Variants in FSIP2 observed in about 807,000 individuals in gnomAD.
FSIP2 encodes the protein fibrous sheath interacting protein 2.
FSIP2 carries 367 observed loss-of-function variants against 510.5 expected under a neutral mutation model. The observed-to-expected ratio is 0.72, with a 90% CI of 0.66 to 0.78. The LOEUF (loss-of-function observed/expected upper bound fraction) is 0.78. Among genes scored for constraint, FSIP2 ranks in the 30% least tolerant of loss-of-function variants. The probability of loss-of-function intolerance (pLI) is 0.00; values close to 1 mark genes in which losing one functional copy is unlikely to be tolerated. For synonymous variants in FSIP2, 2,601 were observed against 2,732.2 expected, an observed-to-expected ratio of 0.95 and a Z score of 1.50; for missense variants, 7,594 against 7,901.7, an observed-to-expected ratio of 0.96 and a Z score of 1.48.
chr2:185,807,426 G>T lies in FSIP2; in HGVS notation c.18120G>T (p.Leu6040Phe). The change falls in exon 17 of 23, where the codon TTG becomes TTT. Residue 6040 changes from leucine (L) to phenylalanine (F), a missense_variant. Leu to Phe is a conservative substitution (Grantham distance 22). Transcript: ENST00000424728. ...AAACAAAAGAACCTGAGGACAATTT[G>T]TCCACAGAACTGAATTTCCTTCAAA... Reference protein sequence around the residue: ...STKTKEPEDNLSTELNFLQMK... With the variant: ...STKTKEPEDNFSTELNFLQMK... The T allele has an allele frequency of 6.2e-7, 1 of 1,610,892 alleles. No homozygotes were observed.
Position 185,801,331 on chromosome 2 carries a change from T to A in FSIP2, c.12025T>A (p.Leu4009Ile). 1 of 1,533,964 alleles carries A rather than the reference T, an allele frequency of 6.5e-7. No homozygotes were observed. Among genetic ancestry groups the A allele is most frequent in the South Asian group, 1.2e-5 (1 of 83,994 alleles). Residue 4009 changes from leucine (L) to isoleucine (I), a missense_variant, in exon 17 of 23, where the codon TTA (leucine) becomes ATA (isoleucine). By Grantham distance (5) the Leu-to-Ile change is conservative. Coordinates refer to ENST00000424728, the MANE Select transcript of FSIP2 (RefSeq NM_173651.4). ...TVSWLNEMNT[L>I]FVNNVVNEFN... The stretch of plus-strand genomic sequence containing the variant: ...GTCCTGGCTCAATGAGATGAATACA[T>A]TATTTGTCAACAATGTAGTGAATGA...
At chr2:185,749,958 A>G (rs959838323) in intron 7 of FSIP2, among the ~76,000 whole-genome samples, 1 of 151,834 alleles carries the variant, frequency 6.6e-6, no homozygotes, top group Non-Finnish European at 1.5e-5. Context: ...TGCTTAGTAG[A>G]TAACATAAAT....
intron 13 of FSIP2, among the ~76,000 whole-genome samples, chr2:185,779,657 A>C (rs1692800700): frequency 6.6e-6 from 1 of 152,080 alleles, no homozygotes; most frequent in African/African-American, 2.4e-5. Flanking sequence ...AGGTTTTATC[A>C]GTCAAATTGC....
chr2:185,776,160 ACTTGGAAAG>A (rs1265758606), intron 13 of FSIP2, among the ~76,000 whole-genome samples: 2 of 152,142 alleles, frequency 1.3e-5, no homozygotes, highest in African/African-American at 4.8e-5. Context: ...GGTCCCAGCT[ACTTGGAAAG>A]CTGAGGTGGG....
Position 185,795,694 on chromosome 2 carries a change from A to G in FSIP2, c.8558A>G (p.Asn2853Ser). Reference protein sequence around the residue: ...KWQTESNDKENEKCKLLMIAE... With the variant: ...KWQTESNDKESEKCKLLMIAE... The stretch of plus-strand genomic sequence containing the variant: ...CAAACAGAATCAAATGACAAGGAAA[A>G]TGAAAAATGTAAGCTATTGATGATA... Residue 2853 changes from asparagine (N) to serine (S), a missense_variant, in exon 16 of 23, where the codon AAT becomes AGT. Transcript: ENST00000424728. 6.5e-7 allele frequency: 1 copy of G among 1,532,536 alleles called. No homozygotes were observed. The highest frequency in any genetic ancestry group is 8.7e-7 in the Non-Finnish European group (1 of 1,144,852). 94.9% of individuals were successfully genotyped at this position (1,532,536 alleles called of 1,614,324 possible).
chr2:185,813,522 A>G (rs1693775947), intron 17 of FSIP2, 23 bp from the exon 18 acceptor site: 1 of 1,438,860 alleles, frequency 6.9e-7, no homozygotes, highest in Non-Finnish European at 9.3e-7. Flanking sequence ...TGATTTTAAT[A>G]TTTGCTATAC....
intron 2 of FSIP2, among the ~76,000 whole-genome samples, chr2:185,741,720 G>T (rs568353982): frequency 2.6e-5 from 4 of 152,274 alleles, no homozygotes; most frequent in Non-Finnish European, 2.9e-5. Flanking sequence ...TTCTGATTAG[G>T]CTCCTTGGAA....
chr2:185,789,526 T>C lies in FSIP2; in HGVS notation c.2390T>C (p.Leu797Pro). Residue 797 changes from leucine (L) to proline (P), a missense_variant, in exon 16 of 23, where the codon CTC (leucine) becomes CCC (proline). Leu to Pro is a moderately conservative substitution (Grantham distance 98, BLOSUM62 -3). Transcript: ENST00000424728. Reference protein sequence around the residue: ...KPSLAASDELLTSSNGKPLKN... With the variant: ...KPSLAASDELPTSSNGKPLKN... ...AGTTTAGCAGCCAGTGATGAACTTC[T>C]CACATCATCTAATGGAAAACCTTTG... 6.5e-7 allele frequency: 1 copy of C among 1,534,666 alleles called. No homozygotes were observed. The highest frequency in any genetic ancestry group is 8.7e-7 in the Non-Finnish European group (1 of 1,145,868).
intron 19 of FSIP2, among the ~76,000 whole-genome samples, chr2:185,821,828 A>G (rs532577467): frequency 6.6e-6 from 1 of 151,582 alleles, no homozygotes; most frequent in East Asian, 2.0e-4. Flanking sequence ...AAGGAGGCTG[A>G]GGCAGGTGGA....
chr2:185,815,162 A>G lies in FSIP2; in HGVS notation c.20326-209A>G, dbSNP rs1468866780. Reference sequence around the variant, plus strand: ...TAAAATTTGTTCAAAATCTAATGTCATAATTTAGGTAATCTTCACTGAACT... The same window carrying G: ...TAAAATTTGTTCAAAATCTAATGTCGTAATTTAGGTAATCTTCACTGAACT... On this transcript the variant is annotated intron_variant, in intron 18 of 22. Transcript: ENST00000424728. 3.9e-5 allele frequency among the ~76,000 whole-genome samples: 6 copies of G among 152,040 alleles called. 1 individual carries two copies. Among genetic ancestry groups the G allele is most frequent in the Non-Finnish European group, 8.8e-5 (6 of 67,970 alleles).
Position 185,807,864 on chromosome 2 carries a change from T to G in FSIP2, c.18558T>G (p.Phe6186Leu), listed in dbSNP as rs1309357649. The G allele has an allele frequency of 6.2e-7, 1 of 1,609,666 alleles. No homozygotes were observed. The highest frequency in any genetic ancestry group is 8.5e-7 in the Non-Finnish European group (1 of 1,178,346). ...YNIIEEIAVK[F>L]LSKLLSIFPK... ...TAATAGAAGAAATTGCTGTGAAATT[T>G]TTATCAAAGCTTTTATCTATATTTC... The change falls in exon 17 of 23, where the codon TTT (phenylalanine) becomes TTG (leucine). Residue 6186 changes from phenylalanine to leucine, a missense_variant. Transcript: ENST00000424728.
intron 15 of FSIP2, among the ~76,000 whole-genome samples, chr2:185,786,551 T>A (rs551238272): frequency 6.6e-6 from 1 of 152,036 alleles, no homozygotes; most frequent in African/African-American, 2.4e-5. Flanking sequence ...TTAACGGATC[T>A]ATAACCATCA....
At position 185,795,993 on chromosome 2, in the gene FSIP2, A is replaced by C; in HGVS notation, c.8857A>C (p.Thr2953Pro). 1 of 1,534,524 alleles carries C rather than the reference A, an allele frequency of 6.5e-7. No homozygotes were observed. The highest frequency in any genetic ancestry group is 8.7e-7 in the Non-Finnish European group (1 of 1,145,982). ...ETLSNSKEHI[T>P]AKSKYGFPNK... ...TCTATCAAACAGTAAAGAACACATT[A>C]CTGCTAAAAGTAAATATGGTTTTCC... The change falls in exon 16 of 23, where the codon ACT becomes CCT. Residue 2953 changes from threonine to proline, a missense_variant. Coordinates refer to ENST00000424728, the MANE Select transcript of FSIP2 (RefSeq NM_173651.4).
chr2:185,775,833 T>G (rs1166506968), intron 13 of FSIP2, among the ~76,000 whole-genome samples: 2 of 152,270 alleles, frequency 1.3e-5, no homozygotes, highest in South Asian at 2.1e-4. Flanking sequence ...TCAGCTAATT[T>G]TTGTATTTTT....
intron 13 of FSIP2, chr2:185,765,333 C>A (rs941617524): frequency 1.8e-4 from 27 of 152,072 alleles, no homozygotes; most frequent in Admixed American, 6.6e-5. Context: ...GGCAGAAGAA[C>A]ACTTAAGAGC....
At chr2:185,825,073 A>C (rs1252158281) in intron 20 of FSIP2, among the ~76,000 whole-genome samples, 3 of 151,806 alleles carry the variant, frequency 2.0e-5, no homozygotes, top group African/African-American at 7.2e-5. Flanking sequence ...TTTACTATAA[A>C]GTCACATTAA....
intron 19 of FSIP2, among the ~76,000 whole-genome samples, chr2:185,818,642 C>A (rs756335547): frequency 1.3e-5 from 2 of 151,654 alleles, no homozygotes; most frequent in Admixed American, 1.3e-4. Flanking sequence ...ACCTTACAAG[C>A]CAAGAGGCAG....
Position 185,792,051 on chromosome 2 carries a change from T to G in FSIP2, c.4915T>G (p.Leu1639Val). ...DTHEASFLSA[L>V]YMHAKKVSSA... ...ACATGAAGCATCATTTCTGTCTGCT[T>G]TATATATGCATGCAAAGAAGGTATC... The change falls in exon 16 of 23, where the codon TTA (leucine) becomes GTA (valine). Residue 1639 changes from leucine (L) to valine (V), a missense_variant. Coordinates refer to ENST00000424728, the MANE Select transcript of FSIP2 (RefSeq NM_173651.4). 6.5e-7 allele frequency: 1 copy of G among 1,533,936 alleles called. No homozygotes were observed. Among genetic ancestry groups the G allele is most frequent in the Non-Finnish European group, 8.7e-7 (1 of 1,145,282 alleles).
intron 9 of FSIP2, among the ~76,000 whole-genome samples, chr2:185,758,754 G>A (rs2105552804): frequency 6.6e-6 from 1 of 151,238 alleles, no homozygotes; most frequent in South Asian, 2.1e-4. Context: ...TGGCAACTTT[G>A]AAAATATAAA....
Sources: allele counts gnomAD v4.1 joint callset (sites outside exome capture counted in the v4.1 genomes callset), GRCh38; gene constraint gnomAD v4.1.1; transcripts MANE v1.5; gene names NCBI Gene and HGNC (gene_info 2026-07-23, HGNC 2026-07-21).